The following SND1 variants were observed in gnomAD, a reference collection of about 807,000 sequenced individuals.
SND1 encodes the protein staphylococcal nuclease and tudor domain containing 1, also known as staphylococcal nuclease domain-containing protein 1.
SND1 carries 38 observed loss-of-function variants against 121.7 expected under a neutral mutation model. The observed-to-expected ratio is 0.31, with a 90% CI of 0.24 to 0.41. The LOEUF (loss-of-function observed/expected upper bound fraction) is 0.41. Ranked by LOEUF, SND1 falls within the 10% of genes least tolerant of loss-of-function variation. The pLI, the probability that SND1 is intolerant of heterozygous loss-of-function variation, is 1.00. For synonymous variants in SND1, 401 were observed against 447.4 expected (o/e 0.90, Z 1.31); for missense variants, 868 against 1,184.6 (o/e 0.73, Z 3.92).
intron 16 of SND1, among the ~76,000 whole-genome samples, chr7:127,996,680 C>T (rs1255159622): frequency 4.6e-5 from 7 of 152,178 alleles, no homozygotes; most frequent in African/African-American, 1.7e-4. Context: ...GAACCCTCTC[C>T]GAGCCACAAA....
At chr7:127,737,885 C>T in intron 10 of SND1, among the ~76,000 whole-genome samples, 1 of 152,192 alleles carries the variant, frequency 6.6e-6, no homozygotes, top group African/African-American at 2.4e-5. Context: ...CACTTTAAGG[C>T]AAGAGGGCAG....
chr7:127,818,523 C>A (rs891852391), intron 11 of SND1, among the ~76,000 whole-genome samples: 3 of 152,206 alleles, frequency 2.0e-5, no homozygotes, highest in Non-Finnish European at 4.4e-5. Context: ...CTGTTCCCAT[C>A]TCCCTCTCAG....
intron 15 of SND1, among the ~76,000 whole-genome samples, chr7:127,936,459 A>G (rs1801064955): frequency 6.6e-6 from 1 of 151,944 alleles, no homozygotes; most frequent in African/African-American, 2.4e-5. Context: ...TTACTTTAGT[A>G]TTTTGTCTAG....
intron 15 of SND1, among the ~76,000 whole-genome samples, chr7:127,945,047 A>G (rs1403065459): frequency 3.3e-5 from 5 of 152,142 alleles, no homozygotes; most frequent in Admixed American, 2.0e-4. Context: ...AGATTGTAAG[A>G]TGCTTGAGGG....
At chr7:127,887,808 G>T in intron 12 of SND1, 94 bp from the exon 13 acceptor site, 1 of 734,330 alleles carries the variant, frequency 1.4e-6, no homozygotes, top group Non-Finnish European at 2.4e-6. Flanking sequence ...CTGCCAGAAT[G>T]CGTTAAGACC....
chr7:127,785,529 T>C (rs1797796627), intron 10 of SND1, among the ~76,000 whole-genome samples: 1 of 152,230 alleles, frequency 6.6e-6, no homozygotes, highest in Non-Finnish European at 1.5e-5. Context: ...TTAAGCCTTT[T>C]GGCCTAAAAG....
chr7:127,857,368 T>C (rs1413432009), intron 12 of SND1, among the ~76,000 whole-genome samples: 1 of 148,870 alleles, frequency 6.7e-6, no homozygotes, highest in Non-Finnish European at 1.5e-5. Context: ...AATTTTTTTT[T>C]TTTTTTTTTT....
At chr7:127,699,172 A>T (rs369406492) in intron 4 of SND1, among the ~76,000 whole-genome samples, 29 of 152,326 alleles carry the variant, frequency 1.9e-4, no homozygotes, top group African/African-American at 7.0e-4. Flanking sequence ...AGACTAGGCA[A>T]TTCTATTCTT....
At chr7:127,756,159 CT>C (rs1373279607) in intron 10 of SND1, among the ~76,000 whole-genome samples, 1 of 152,134 alleles carries the variant, frequency 6.6e-6, no homozygotes. Context: ...GCTAGAGGAG[CT>C]TTTGTCTTAA....
At chr7:127,883,026 G>A (rs528441164) in intron 12 of SND1, among the ~76,000 whole-genome samples, 81 of 152,248 alleles carry the variant, frequency 5.3e-4, no homozygotes, top group Non-Finnish European at 9.1e-4. Flanking sequence ...CAAACTAAAA[G>A]AGATGTTTAG....
rs1414206543 is a variant in SND1, at chr7:127,698,323, C to T, written c.350-552C>T. 5.9e-5 allele frequency among the ~76,000 whole-genome samples: 9 copies of T among 152,288 alleles called. No homozygotes were observed. In the South Asian group the frequency reaches 8.3e-4, roughly 14 times the overall value. On this transcript the variant is annotated intron_variant, in intron 3 of 23. Transcript: ENST00000354725. Reference sequence around the variant, plus strand: ...CCCTAAATGAATCCGTCTCTCTGATCGTACACGGTGAAGGGACTAACTTTT... The same window carrying T: ...CCCTAAATGAATCCGTCTCTCTGATTGTACACGGTGAAGGGACTAACTTTT...
chr7:127,960,438 A>T (rs1185837517), intron 15 of SND1, among the ~76,000 whole-genome samples: 1 of 152,202 alleles, frequency 6.6e-6, no homozygotes, highest in Non-Finnish European at 1.5e-5. Flanking sequence ...GGAGGTTGAT[A>T]CTGTTCCTCC....
At chr7:128,036,370 A>G (rs1792751335) in intron 16 of SND1, among the ~76,000 whole-genome samples, 1 of 152,242 alleles carries the variant, frequency 6.6e-6, no homozygotes, top group Admixed American at 6.5e-5. Context: ...TACTACCCAC[A>G]GTCATAAAGG....
intron 1 of SND1, among the ~76,000 whole-genome samples, chr7:127,662,772 G>A (rs571389705): frequency 6.6e-6 from 1 of 152,070 alleles, no homozygotes; most frequent in Non-Finnish European, 1.5e-5. Flanking sequence ...AATAATTACT[G>A]TTGTCCCTTG....
chr7:127,905,191 T>C (rs1010101682), intron 14 of SND1, among the ~76,000 whole-genome samples: 2 of 152,198 alleles, frequency 1.3e-5, no homozygotes, highest in African/African-American at 2.4e-5. Flanking sequence ...AAAGGTCAAG[T>C]ATAGATTTCA....
intron 2 of SND1, among the ~76,000 whole-genome samples, chr7:127,693,793 C>G (rs1402695562): frequency 6.6e-6 from 1 of 152,156 alleles, no homozygotes; most frequent in African/African-American, 2.4e-5. Context: ...AACACCTACC[C>G]CATCCCTCCC....
chr7:127,717,274 A>G (rs1005808160), intron 9 of SND1, among the ~76,000 whole-genome samples: 1 of 152,182 alleles, frequency 6.6e-6, no homozygotes. Context: ...ATTTATTTAT[A>G]CTTTATTTCT....
In SND1 at chr7:127,702,534, C is replaced by T; in HGVS notation, c.681+8C>T. ...ATGCTGTCAGGCATCAAGGTCAGACCATACTCTTGGCTACGTGGTGGGTTT... is the reference window on the plus strand; with the variant it reads ...ATGCTGTCAGGCATCAAGGTCAGACTATACTCTTGGCTACGTGGTGGGTTT... On this transcript the variant is annotated splice_region_variant and intron_variant, in intron 6 of 23. Coordinates refer to ENST00000354725, the MANE Select transcript of SND1 (RefSeq NM_014390.4). 6.2e-7 allele frequency: 1 copy of T among 1,612,002 alleles called. No homozygotes were observed. The highest frequency in any genetic ancestry group is 8.5e-7 in the Non-Finnish European group (1 of 1,178,102).
chr7:127,778,813 T>G (rs1389782098), intron 10 of SND1, among the ~76,000 whole-genome samples: 1 of 152,178 alleles, frequency 6.6e-6, no homozygotes, highest in Non-Finnish European at 1.5e-5. Context: ...GAGTTCACTT[T>G]AGATCCTTAA....
Sources: allele counts gnomAD v4.1 joint callset (sites outside exome capture counted in the v4.1 genomes callset), GRCh38; gene constraint gnomAD v4.1.1; transcripts MANE v1.5; gene names NCBI Gene and HGNC (gene_info 2026-07-23, HGNC 2026-07-21).